The following SLC26A7 variants were observed in gnomAD, a reference collection of about 807,000 sequenced individuals.
The protein encoded by SLC26A7 is anion exchange transporter.
SLC26A7 carries 59 observed loss-of-function variants against 82.5 expected under a neutral mutation model. The ratio of observed to expected loss-of-function variants is 0.72; its 90% CI spans 0.58 to 0.89. The LOEUF is 0.89. Ranked by LOEUF, SLC26A7 falls within the 40% of genes least tolerant of loss-of-function variation. SLC26A7 has a pLI of 0.00. For synonymous variants in SLC26A7, 271 were observed against 274.3 expected, an observed-to-expected ratio of 0.99 and a Z score of 0.12; for missense variants, 820 against 793.0, an observed-to-expected ratio of 1.03 and a Z score of -0.41.
At chr8:91,309,462 A>T (rs1005833589) in intron 4 of SLC26A7, among the ~76,000 whole-genome samples, 1 of 151,436 alleles carries the variant, frequency 6.6e-6, no homozygotes, top group Non-Finnish European at 1.5e-5. Context: ...CTCACCATCC[A>T]TTTGTTTAAG....
At chr8:91,279,649 TC>T (rs1811512732) in intron 2 of SLC26A7, among the ~76,000 whole-genome samples, 1 of 137,136 alleles carries the variant, frequency 7.3e-6, no homozygotes, top group Non-Finnish European at 1.6e-5. Context: ...AAGCTCCGCC[TC>T]CCGGGTTCAC....
Position 91,366,714 on chromosome 8 carries a change from C to G in SLC26A7, c.1623C>G (p.Ser541Arg), listed in dbSNP as rs769277057. ...GTAATCAGCCACTTGATGATATCAG[C>G]AAGGTAGGATCAATGGTTTGATTAG... ...NACNQPLDDI[S>R]KCEQNTLLNS... The change falls in exon 14 of 19, where the codon AGC (serine) becomes AGG (arginine). Residue 541 changes from serine to arginine, a missense_variant. Transcript: ENST00000276609. 1.9e-6 allele frequency: 3 copies of G among 1,611,112 alleles called. No individual in the cohort carries two copies. Among genetic ancestry groups the G allele is most frequent in the Non-Finnish European group, 2.5e-6 (3 of 1,179,244 alleles).
chr8:91,397,324 C>G lies in SLC26A7; in HGVS notation c.*2227C>G, dbSNP rs1261261308. 1 of 152,340 alleles carries G rather than the reference C, an allele frequency of 6.6e-6. No individual in the cohort carries two copies. Among genetic ancestry groups the G allele is most frequent in the Non-Finnish European group, 1.5e-5 (1 of 67,946 alleles). 9.4% of individuals were successfully genotyped at this position (152,340 alleles called of 1,614,324 possible). ...AACATGAGTTTAGACACACAAGATT[C>G]TAAAATGCAAATGTTTATTTTGAAG... On this transcript the variant is annotated 3_prime_UTR_variant, in exon 19 of 19. Coordinates refer to ENST00000276609, the MANE Select transcript of SLC26A7 (RefSeq NM_052832.4).
intron 4 of SLC26A7, among the ~76,000 whole-genome samples, chr8:91,297,029 T>C (rs1379299649): frequency 6.6e-6 from 1 of 152,208 alleles, no homozygotes; most frequent in Non-Finnish European, 1.5e-5. Context: ...TAATTTCTAT[T>C]CATTTAAAAT....
intron 6 of SLC26A7, among the ~76,000 whole-genome samples, chr8:91,334,712 T>A (rs543185792): frequency 6.6e-6 from 1 of 152,338 alleles, no homozygotes; most frequent in African/African-American, 2.4e-5. Context: ...AGAGAACATA[T>A]AGCTTAAGAT....
chr8:91,256,612 C>T (rs1352364252), intron 2 of SLC26A7, among the ~76,000 whole-genome samples: 2 of 152,082 alleles, frequency 1.3e-5, no homozygotes, highest in Non-Finnish European at 2.9e-5. Context: ...GCCAATCCAG[C>T]AAAATGCATA....
intron 2 of SLC26A7, among the ~76,000 whole-genome samples, chr8:91,283,367 A>G (rs1352222003): frequency 6.6e-6 from 1 of 152,092 alleles, no homozygotes; most frequent in Non-Finnish European, 1.5e-5. Flanking sequence ...TGAGGTAGCT[A>G]TTCCTATTTT....
chr8:91,311,461 A>T (rs905303554), intron 4 of SLC26A7, among the ~76,000 whole-genome samples: 1 of 152,068 alleles, frequency 6.6e-6, no homozygotes, highest in Non-Finnish European at 1.5e-5. Flanking sequence ...TCACACACAC[A>T]CATACATATA....
At chr8:91,226,001 C>T (rs1751092646) in intron 2 of SLC26A7, among the ~76,000 whole-genome samples, 1 of 152,090 alleles carries the variant, frequency 6.6e-6, no homozygotes, top group Non-Finnish European at 1.5e-5. Context: ...ATTCCTTTTC[C>T]CCATCCCTTT....
intron 2 of SLC26A7, among the ~76,000 whole-genome samples, chr8:91,257,167 A>G (rs114174161): frequency 0.012 from 1,800 of 152,278 alleles, 31 homozygotes; most frequent in African/African-American, 0.042. Context: ...AGGTTCTCTC[A>G]CTGCCCCCTG....
Position 91,363,458 on chromosome 8 carries a change from T to C in SLC26A7, c.1422-14T>C. 1 of 1,449,152 alleles carries C rather than the reference T, an allele frequency of 6.9e-7. No homozygotes were observed. Among genetic ancestry groups the C allele is most frequent in the Non-Finnish European group, 9.5e-7 (1 of 1,054,864 alleles). The allele number at this position is 1,449,152 out of a possible 1,614,324, so 89.8% of individuals were successfully genotyped here. ...GAAATGACTTGTTTTATTTTCTATC[T>C]GCTTTAATTTCAGAGCAATGACTGT... On this transcript the variant is annotated splice_polypyrimidine_tract_variant and intron_variant, in intron 12 of 18. Transcript: ENST00000276609.
chr8:91,339,847 TTAGA>T (rs1228551287), intron 7 of SLC26A7, among the ~76,000 whole-genome samples: 4 of 152,066 alleles, frequency 2.6e-5, no homozygotes, highest in Admixed American at 6.6e-5. Context: ...AGAGGGTTAG[TTAGA>T]TGGAGCCTTT....
At chr8:91,252,803 G>A (rs1052729420) in intron 2 of SLC26A7, among the ~76,000 whole-genome samples, 11 of 152,054 alleles carry the variant, frequency 7.2e-5, no homozygotes, top group African/African-American at 2.7e-4. Context: ...TTTGGCCAAG[G>A]GAAAATGAGC....
intron 2 of SLC26A7, among the ~76,000 whole-genome samples, chr8:91,288,032 T>C (rs1296627236): frequency 6.6e-6 from 1 of 152,214 alleles, no homozygotes; most frequent in Non-Finnish European, 1.5e-5. Flanking sequence ...TGGTTAACTT[T>C]TCATGTATTT....
At position 91,211,611 on chromosome 8, in the gene SLC26A7, TA is replaced by T. The variant is rs1400458256; in HGVS notation, c.-150+2070del. ...AATTATACAAATATATATATATATA[TA>T]TATATTTTTTTTTTATTTTTTTTGC... On this transcript the variant is annotated intron_variant, in intron 1 of 5. Transcript: ENST00000522862. Among the ~76,000 whole-genome samples, 229 of 138,984 alleles carry T rather than the reference TA, an allele frequency of 1.6e-3. 4 individuals carry two copies. Among genetic ancestry groups the T allele is most frequent in the African/African-American group, 5.9e-3 (216 of 36,756 alleles). The allele number at this position is 138,984 out of a possible 152,430, so 91.2% of individuals were successfully genotyped here. A position where few individuals can be genotyped will look rare whatever the true frequency, so the allele number is the denominator to read the frequency against.
At chr8:91,217,204 A>G (rs1307571387) in intron 1 of SLC26A7, among the ~76,000 whole-genome samples, 1 of 152,126 alleles carries the variant, frequency 6.6e-6, no homozygotes, top group Admixed American at 6.6e-5. Flanking sequence ...CACTTTGCCT[A>G]ATGTGCAGAT....
At chr8:91,231,322 G>C (rs1810307265) in intron 2 of SLC26A7, among the ~76,000 whole-genome samples, 1 of 152,164 alleles carries the variant, frequency 6.6e-6, no homozygotes, top group Non-Finnish European at 1.5e-5. Context: ...TCCTGTTTTA[G>C]ACTAGTCTTA....
rs558334778 is a variant in SLC26A7 at position 91,335,826 on chromosome 8, C to T, written c.795+1379C>T. ...ATCCCTTAGTGATGACTTTAAAAGC[C>T]GGGTTAGAACAGAGAATTTTCCTAG... On this transcript the variant is annotated intron_variant, in intron 6 of 18. Transcript: ENST00000276609. Among the ~76,000 whole-genome samples the T allele has an allele frequency of 1.9e-4, 29 of 152,170 alleles. No homozygotes were observed. The South Asian group carries it at 2.5e-3, about 13-fold the overall frequency.
intron 2 of SLC26A7, among the ~76,000 whole-genome samples, chr8:91,262,847 A>G (rs1229094809): frequency 6.6e-6 from 1 of 152,068 alleles, no homozygotes; most frequent in East Asian, 1.9e-4. Context: ...GTTGTTGAAT[A>G]AAGTGCTTAA....
Sources: allele counts gnomAD v4.1 joint callset (sites outside exome capture counted in the v4.1 genomes callset), GRCh38; gene constraint gnomAD v4.1.1; transcripts MANE v1.5; gene names NCBI Gene and HGNC (gene_info 2026-07-23, HGNC 2026-07-21).